The following SEMA5A variants were observed in gnomAD, a reference collection of about 807,000 sequenced individuals.
The protein encoded by SEMA5A is semaphorin-5A.
Under a neutral mutation model 135.5 loss-of-function variants are expected in SEMA5A, and 55 were observed. The ratio of observed to expected loss-of-function variants is 0.41; its 90% CI spans 0.33 to 0.51. The LOEUF (loss-of-function observed/expected upper bound fraction) is 0.51. Ranked by LOEUF, SEMA5A falls within the 20% of genes least tolerant of loss-of-function variation. The probability of loss-of-function intolerance (pLI) is 0.37; values close to 1 mark genes in which losing one functional copy is unlikely to be tolerated. For missense variants in SEMA5A, 1,290 were observed against 1,419.9 expected, an observed-to-expected ratio of 0.91 and a Z score of 1.47; for synonymous variants, 580 against 546.5, an observed-to-expected ratio of 1.06 and a Z score of -0.85.
At chr5:9,502,095 C>T (rs1378647957) in intron 1 of SEMA5A, among the ~76,000 whole-genome samples, 1 of 152,110 alleles carries the variant, frequency 6.6e-6, no homozygotes, top group Non-Finnish European at 1.5e-5. Context: ...GGCTCTTACT[C>T]TTTGTCCCTA....
At chr5:9,355,822 C>T (rs1425460226) in intron 3 of SEMA5A, among the ~76,000 whole-genome samples, 11 of 152,100 alleles carry the variant, frequency 7.2e-5, no homozygotes, top group Non-Finnish European at 1.6e-4. Flanking sequence ...GAGTGTTCTG[C>T]ATTAGAACAA....
At chr5:9,068,792 C>G (rs181028398) in intron 16 of SEMA5A, among the ~76,000 whole-genome samples, 1 of 152,170 alleles carries the variant, frequency 6.6e-6, no homozygotes, top group African/African-American at 2.4e-5. Context: ...TCCCCAAGAT[C>G]CCTCCAGTTT....
rs115226059 is a variant in SEMA5A at position 9,271,759 on chromosome 5, G to A, written c.271-33869C>T. ...AGCAGGGTGGGGCATCACTTCACCC[G>A]GGAAGCACAATGGGTCAGGGAACTC... On this transcript the variant is annotated intron_variant, in intron 5 of 22. Transcript: ENST00000382496. Among the ~76,000 whole-genome samples the A allele has an allele frequency of 4.6e-3, 697 of 152,240 alleles. 12 individuals are homozygous for A. Among genetic ancestry groups the A allele is most frequent in the Middle Eastern group, 0.01 (3 of 294 alleles).
At chr5:9,064,140 T>C (rs1737329126) in intron 17 of SEMA5A, among the ~76,000 whole-genome samples, 2 of 152,158 alleles carry the variant, frequency 1.3e-5, no homozygotes, top group South Asian at 2.1e-4. Flanking sequence ...TTCAGAGAAA[T>C]TGAATTAGAA....
At chr5:9,162,585 T>TATATATATATATATATATATATAC (rs370982773) in intron 11 of SEMA5A, among the ~76,000 whole-genome samples, 3 of 112,060 alleles carry the variant, frequency 2.7e-5, no homozygotes, top group Non-Finnish European at 5.0e-5. Flanking sequence ...TATATATATA[T>TATATATATATATATATATATATAC]ACACACACAC....
intron 2 of SEMA5A, among the ~76,000 whole-genome samples, chr5:9,407,547 A>G (rs1756935193): frequency 6.6e-6 from 1 of 152,084 alleles, no homozygotes; most frequent in African/African-American, 2.4e-5. Context: ...GGAACCACAA[A>G]CCTCCAAGGG....
Position 9,223,701 on chromosome 5 carries a change from C to T in SEMA5A, c.646+973G>A, listed in dbSNP as rs1420904600. Among the ~76,000 whole-genome samples the T allele has an allele frequency of 3.9e-5, 6 of 152,180 alleles. No individual in the cohort carries two copies. The East Asian group carries it at 9.6e-4, about 24-fold the overall frequency. On this transcript the variant is annotated intron_variant, in intron 8 of 22. Transcript: ENST00000382496. ...TTTTGTACAAACTATCAAATAAATGCTTGGGGCAATGGATTACACATGGTA... is the reference window on the plus strand; with the variant it reads ...TTTTGTACAAACTATCAAATAAATGTTTGGGGCAATGGATTACACATGGTA...
chr5:9,362,119 T>C lies in SEMA5A; in HGVS notation c.124+17704A>G, dbSNP rs560374759. 7.0e-4 allele frequency among the ~76,000 whole-genome samples: 106 copies of C among 152,274 alleles called. 2 individuals are homozygous for C. The Middle Eastern group carries it at 0.054, about 78-fold the overall frequency. On this transcript the variant is annotated intron_variant, in intron 3 of 22. Transcript: ENST00000382496. ...TTGGGGGGTGAATCTGCGGTTCTTT[T>C]GCGTTTTCCTTTTGCAGGTAGAACA...
intron 6 of SEMA5A, among the ~76,000 whole-genome samples, chr5:9,227,425 T>C (rs1213632896): frequency 2.6e-5 from 4 of 152,212 alleles, no homozygotes; most frequent in African/African-American, 9.6e-5. Flanking sequence ...CCTCAGACTT[T>C]GAGAAAATGC....
intron 4 of SEMA5A, among the ~76,000 whole-genome samples, chr5:9,332,630 A>T (rs1753203505): frequency 1.3e-5 from 2 of 151,866 alleles, no homozygotes; most frequent in Admixed American, 6.6e-5. Flanking sequence ...ACATTGGGTC[A>T]GGTGTGCAAT....
chr5:9,250,679 A>G (rs1282031989), intron 5 of SEMA5A, among the ~76,000 whole-genome samples: 2 of 152,216 alleles, frequency 1.3e-5, no homozygotes, highest in African/African-American at 2.4e-5. Context: ...GTAATTCAGT[A>G]CAAGAACTTC....
chr5:9,195,146 A>T (rs1415711299), intron 10 of SEMA5A, among the ~76,000 whole-genome samples: 2 of 152,200 alleles, frequency 1.3e-5, no homozygotes, highest in Non-Finnish European at 2.9e-5. Context: ...ACAACATTTG[A>T]TATGTAGAAG....
At chr5:9,263,430 G>A (rs1201164826) in intron 5 of SEMA5A, among the ~76,000 whole-genome samples, 1 of 152,150 alleles carries the variant, frequency 6.6e-6, no homozygotes, top group Non-Finnish European at 1.5e-5. Flanking sequence ...TGCAGTGAGG[G>A]ATCTAGGTTA....
chr5:9,477,572 T>A (rs867388476), intron 1 of SEMA5A, among the ~76,000 whole-genome samples: 1 of 152,226 alleles, frequency 6.6e-6, no homozygotes, highest in African/African-American at 2.4e-5. Context: ...TCACTCTTGC[T>A]ATGCTTTAGC....
rs546117128 is a variant in SEMA5A, at chr5:9,209,555, A to G, written c.647-7315T>C. Among the ~76,000 whole-genome samples, 4 of 152,344 alleles carry G rather than the reference A, an allele frequency of 2.6e-5. No homozygotes were observed. In the East Asian group the frequency reaches 7.7e-4, roughly 29 times the overall value. ...AAATATGTTAAAAGACTGAAAGAAAACCATGTAAGATTTTACTGAAAGAAG... is the reference window on the plus strand; with the variant it reads ...AAATATGTTAAAAGACTGAAAGAAAGCCATGTAAGATTTTACTGAAAGAAG... On this transcript the variant is annotated intron_variant, in intron 8 of 22. Coordinates refer to ENST00000382496, the MANE Select transcript of SEMA5A (RefSeq NM_003966.3).
intron 8 of SEMA5A, among the ~76,000 whole-genome samples, chr5:9,202,904 G>T (rs1434912142): frequency 6.6e-6 from 1 of 152,142 alleles, no homozygotes; most frequent in African/African-American, 2.4e-5. Context: ...CCATTTAGAG[G>T]AGGGAAGAGT....
At chr5:9,506,312 G>C (rs1041153534) in intron 1 of SEMA5A, among the ~76,000 whole-genome samples, 6 of 152,182 alleles carry the variant, frequency 3.9e-5, no homozygotes, top group Non-Finnish European at 7.3e-5. Flanking sequence ...GCTATGCAAT[G>C]TATTAATACA....
rs369912022 is a variant in SEMA5A, at chr5:9,164,853, G to A, written c.1274-10158C>T. Among the ~76,000 whole-genome samples, 49 of 152,172 alleles carry A rather than the reference G, an allele frequency of 3.2e-4. No homozygotes were observed. The East Asian group carries it at 7.9e-3, about 25-fold the overall frequency. ...CTCCATCAACATTTGAAAATTTTAC[G>A]GAAATAAATCTTTAGAAGGAAGAAG... On this transcript the variant is annotated intron_variant, in intron 11 of 22. Coordinates refer to ENST00000382496, the MANE Select transcript of SEMA5A (RefSeq NM_003966.3).
chr5:9,307,536 G>T (rs772457247), intron 5 of SEMA5A, among the ~76,000 whole-genome samples: 1 of 146,870 alleles, frequency 6.8e-6, no homozygotes. Context: ...TTTTCACTTT[G>T]TTCTTAGGTA....
Sources: allele counts gnomAD v4.1 joint callset (sites outside exome capture counted in the v4.1 genomes callset), GRCh38; gene constraint gnomAD v4.1.1; transcripts MANE v1.5; gene names NCBI Gene and HGNC (gene_info 2026-07-23, HGNC 2026-07-21).